TBC1D1: variants seen among roughly 807,000 people sequenced by gnomAD.
TBC1D1 encodes the protein TBC1 domain family member 1.
TBC1D1 carries 89 observed loss-of-function variants against 125.6 expected under a neutral mutation model. The ratio of observed to expected loss-of-function variants is 0.71; its 90% CI spans 0.60 to 0.85. The LOEUF is 0.85. TBC1D1 is among the 40% of genes least tolerant of loss of function. TBC1D1 has a pLI of 0.00. For synonymous variants in TBC1D1, 565 were observed against 564.1 expected (o/e 1.00, Z -0.02); for missense variants, 1,377 against 1,469.2 (o/e 0.94, Z 1.03).
Position 37,993,112 on chromosome 4 carries a change from C to T in TBC1D1, c.418-21397C>T, listed in dbSNP as rs116912919. On this transcript the variant is annotated intron_variant, in intron 2 of 19. Transcript: ENST00000261439. Reference sequence around the variant, plus strand: ...AGCCACCGCGCCCGGCCTGGTGATTCTTTAAATAGGTGATTGGAAATGTTA... The same window carrying T: ...AGCCACCGCGCCCGGCCTGGTGATTTTTTAAATAGGTGATTGGAAATGTTA... Among the ~76,000 whole-genome samples, 80 of 150,912 alleles carry T rather than the reference C, an allele frequency of 5.3e-4. 2 individuals are homozygous for T. In the East Asian group the frequency reaches 0.014, roughly 26 times the overall value.
intron 2 of TBC1D1, among the ~76,000 whole-genome samples, chr4:38,008,166 GTCTA>G (rs1165394941): frequency 2.0e-5 from 3 of 152,224 alleles, no homozygotes; most frequent in Non-Finnish European, 4.4e-5. Flanking sequence ...ATTCCATGAA[GTCTA>G]TCTATATTTA....
intron 2 of TBC1D1, among the ~76,000 whole-genome samples, chr4:37,999,611 G>T (rs536255200): frequency 1.5e-4 from 23 of 152,156 alleles, no homozygotes; most frequent in African/African-American, 2.2e-4. Flanking sequence ...AGGCCTGTGG[G>T]GGGAGGGAGG....
At chr4:37,948,465 G>A (rs1006414253) in intron 2 of TBC1D1, among the ~76,000 whole-genome samples, 3 of 151,834 alleles carry the variant, frequency 2.0e-5, no homozygotes, top group African/African-American at 7.3e-5. Flanking sequence ...TGTCTCTACT[G>A]AAAATACGAA....
intron 2 of TBC1D1, among the ~76,000 whole-genome samples, chr4:38,009,955 A>G (rs1393074407): frequency 6.6e-6 from 1 of 152,242 alleles, no homozygotes; most frequent in Non-Finnish European, 1.5e-5. Flanking sequence ...GTCTGCAAAC[A>G]GAAATGACGT....
rs111520396 is a variant in TBC1D1, at chr4:38,049,617, G to A, written c.1630-1G>A. 4 of 1,601,676 alleles carry A rather than the reference G, an allele frequency of 2.5e-6. No homozygotes were observed. The highest frequency in any genetic ancestry group is 3.4e-6 in the Non-Finnish European group (4 of 1,172,506). On this transcript the variant is annotated splice_acceptor_variant, in intron 10 of 19. Coordinates refer to ENST00000261439, the MANE Select transcript of TBC1D1 (RefSeq NM_015173.4). LOFTEE classifies it high-confidence loss of function. Reference sequence around the variant, plus strand: ...CTGATCTGCTGTGTGTTTGCTCCCAGGAGCCATCTGTGTGTGAAAAGGAGG... The same window carrying A: ...CTGATCTGCTGTGTGTTTGCTCCCAAGAGCCATCTGTGTGTGAAAAGGAGG...
chr4:38,046,400 T>TA (rs1322332131), intron 10 of TBC1D1, among the ~76,000 whole-genome samples: 2 of 151,846 alleles, frequency 1.3e-5, no homozygotes, highest in Non-Finnish European at 2.9e-5. Flanking sequence ...ATTTTCCTAT[T>TA]AAAAAAATAA....
intron 2 of TBC1D1, among the ~76,000 whole-genome samples, chr4:38,009,749 A>G (rs1159294570): frequency 6.6e-6 from 1 of 152,224 alleles, no homozygotes; most frequent in East Asian, 1.9e-4. Context: ...CAAAATGCAG[A>G]CTTACTTTCA....
At chr4:38,118,264 G>A (rs623945) in intron 17 of TBC1D1, 72 bp downstream of exon 19, 496,231 of 1,531,882 alleles carry the variant, frequency 0.32, 82,172 homozygotes, top group South Asian at 0.35. Flanking sequence ...CTGTCTCTCC[G>A]TGGTGATTCT....
At chr4:37,969,717 C>A (rs574164603) in intron 2 of TBC1D1, among the ~76,000 whole-genome samples, 1 of 152,314 alleles carries the variant, frequency 6.6e-6, no homozygotes, top group African/African-American at 2.4e-5. Flanking sequence ...TAAAGTCATT[C>A]AATCATCATC....
chr4:38,104,436 C>G (rs529240891), intron 15 of TBC1D1, among the ~76,000 whole-genome samples: 25 of 152,316 alleles, frequency 1.6e-4, no homozygotes, highest in African/African-American at 5.1e-4. Flanking sequence ...CAATGCACTC[C>G]CGTTTGCCTG....
At chr4:38,135,677 GT>G (rs1766380436) in intron 19 of TBC1D1, among the ~76,000 whole-genome samples, 1 of 152,138 alleles carries the variant, frequency 6.6e-6, no homozygotes, top group Admixed American at 6.6e-5. Flanking sequence ...GATACCCCAA[GT>G]GGGACCACCC....
rs1293621362 is a variant in TBC1D1, at chr4:38,053,226, G to A, written c.1911-973G>A. ...CCTCTGATTTTATGAACACAAAAAG[G>A]TAGGGCTTAATTTAGATATATCAAG... On this transcript the variant is annotated intron_variant, in intron 11 of 19. Transcript: ENST00000261439. The A allele has an allele frequency of 1.3e-6, 2 of 1,505,002 alleles. No individual in the cohort carries two copies. Among genetic ancestry groups the A allele is most frequent in the African/African-American group, 1.4e-5 (1 of 70,292 alleles). The allele number at this position is 1,505,002 out of a possible 1,614,324, so 93.2% of individuals were successfully genotyped here.
At chr4:37,914,626 G>A (rs1719321228) in intron 2 of TBC1D1, among the ~76,000 whole-genome samples, 1 of 152,148 alleles carries the variant, frequency 6.6e-6, no homozygotes. Context: ...ATGAAATCAT[G>A]CCATTCCCCT....
At chr4:38,050,664 G>A (rs932062111) in intron 11 of TBC1D1, among the ~76,000 whole-genome samples, 1 of 152,186 alleles carries the variant, frequency 6.6e-6, no homozygotes, top group Admixed American at 6.5e-5. Flanking sequence ...ATGAATCAAG[G>A]TCACACCTGT....
chr4:38,044,810 A>G (rs145425194), intron 9 of TBC1D1, among the ~76,000 whole-genome samples: 6 of 152,304 alleles, frequency 3.9e-5, no homozygotes, highest in Non-Finnish European at 2.9e-5. Flanking sequence ...TCTCCCTACT[A>G]TCACTATGTA....
Position 38,109,520 on chromosome 4 carries a change from G to T in TBC1D1, c.2558-6190G>T, listed in dbSNP as rs575864053. Among the ~76,000 whole-genome samples the T allele has an allele frequency of 3.3e-5, 5 of 152,298 alleles. No homozygotes were observed. In the East Asian group the frequency reaches 7.7e-4, roughly 23 times the overall value. ...TCACCCCTCAGAGGAAGCCCTTGGT[G>T]TTCAGTGTTTGCAGATTTCCATTGT... is the stretch of plus-strand genomic sequence containing the variant. On this transcript the variant is annotated intron_variant, in intron 15 of 19. Transcript: ENST00000261439.
At chr4:37,942,290 C>T (rs147015469) in intron 2 of TBC1D1, among the ~76,000 whole-genome samples, 11,799 of 152,090 alleles carry the variant, frequency 0.078, 613 homozygotes, top group Non-Finnish European at 0.1. Flanking sequence ...GCCTTCTTTG[C>T]CTCTTTTGAT....
intron 2 of TBC1D1, among the ~76,000 whole-genome samples, chr4:37,988,718 G>A (rs567763218): frequency 6.8e-4 from 103 of 152,256 alleles, no homozygotes; most frequent in African/African-American, 2.3e-3. Flanking sequence ...GCATCACCTG[G>A]CACTCATTCA....
At chr4:37,926,685 T>C (rs2152282051) in intron 2 of TBC1D1, among the ~76,000 whole-genome samples, 1 of 152,340 alleles carries the variant, frequency 6.6e-6, no homozygotes, top group Non-Finnish European at 1.5e-5. Flanking sequence ...ATGGAAAGGC[T>C]ACTTGGACGT....
Sources: allele counts gnomAD v4.1 joint callset (sites outside exome capture counted in the v4.1 genomes callset), GRCh38; gene constraint gnomAD v4.1.1; transcripts MANE v1.5; gene names NCBI Gene and HGNC (gene_info 2026-07-23, HGNC 2026-07-21).